The following CGNL1 variants were observed in gnomAD, a reference collection of about 807,000 sequenced individuals.
CGNL1 encodes cingulin-like protein 1.
In CGNL1, 132 loss-of-function variants were observed where a neutral mutation model predicts 141.2. That is an observed-to-expected ratio of 0.93 (90% confidence interval 0.81 to 1.08). CGNL1 has a LOEUF of 1.08. CGNL1 is among the 50% of genes least tolerant of loss of function. The pLI is 0.00. For synonymous variants in CGNL1, 690 were observed against 622.1 expected (o/e 1.11, Z -1.63); for missense variants, 1,870 against 1,588.6 (o/e 1.18, Z -3.01).
At chr15:57,403,410 C>T (rs564414495) in intron 1 of CGNL1, among the ~76,000 whole-genome samples, 1 of 152,318 alleles carries the variant, frequency 6.6e-6, no homozygotes, top group South Asian at 2.1e-4. Flanking sequence ...TGCAAAGAAA[C>T]ACGAGGTTAA....
At chr15:57,500,860 G>T (rs1338857769) in intron 8 of CGNL1, among the ~76,000 whole-genome samples, 2 of 152,158 alleles carry the variant, frequency 1.3e-5, no homozygotes, top group African/African-American at 4.8e-5. Context: ...TTATTTTTAT[G>T]TGAGGTGTTT....
At chr15:57,417,369 G>A (rs2062860596) in intron 1 of CGNL1, among the ~76,000 whole-genome samples, 1 of 152,146 alleles carries the variant, frequency 6.6e-6, no homozygotes, top group African/African-American at 2.4e-5. Context: ...GAGTAGCTGG[G>A]ATTACAGGCG....
At chr15:57,470,390 T>C (rs2063566971) in intron 8 of CGNL1, among the ~76,000 whole-genome samples, 1 of 151,696 alleles carries the variant, frequency 6.6e-6, no homozygotes, top group Admixed American at 6.6e-5. Context: ...TTTGAACCCA[T>C]CACAGGCCCA....
chr15:57,500,631 T>C (rs2064010793), intron 8 of CGNL1, among the ~76,000 whole-genome samples: 1 of 139,096 alleles, frequency 7.2e-6, no homozygotes, highest in Non-Finnish European at 1.5e-5. Flanking sequence ...TTGTGAAAAA[T>C]GTGGATTGAG....
chr15:57,414,407 A>G (rs745735665), intron 1 of CGNL1, among the ~76,000 whole-genome samples: 8 of 152,206 alleles, frequency 5.3e-5, no homozygotes, highest in Admixed American at 1.3e-4. Context: ...CCCTTTATGT[A>G]TACACAGAAA....
chr15:57,482,501 G>C (rs2063738112), intron 8 of CGNL1, among the ~76,000 whole-genome samples: 1 of 152,152 alleles, frequency 6.6e-6, no homozygotes, highest in African/African-American at 2.4e-5. Context: ...TATTTATTTT[G>C]CCTGTGAATA....
In CGNL1 at chr15:57,543,812, G is replaced by A. The variant is rs373924494; in HGVS notation, c.3375+33G>A. The stretch of plus-strand genomic sequence containing the variant: ...CAGCCAGCCTGTGAGCTGCCCCCCC[G>A]TCCATCCGCTAACCCTCCCCCACTT... On this transcript the variant is annotated intron_variant, in intron 15 of 18. Transcript: ENST00000281282. 159 of 1,523,960 alleles carry A rather than the reference G, an allele frequency of 1.0e-4. No homozygotes were observed. The South Asian group carries it at 1.4e-3, about 14-fold the overall frequency. The allele number at this position is 1,523,960 out of a possible 1,614,324, so 94.4% of individuals were successfully genotyped here. A position where few individuals can be genotyped will look rare whatever the true frequency, so the allele number is the denominator to read the frequency against.
chr15:57,423,714 C>T (rs553974908), intron 1 of CGNL1, among the ~76,000 whole-genome samples: 19 of 152,326 alleles, frequency 1.2e-4, no homozygotes, highest in Non-Finnish European at 2.1e-4. Flanking sequence ...CAGATTTCCT[C>T]GCATCCCCCT....
chr15:57,526,498 C>T (rs2031625282), intron 12 of CGNL1, among the ~76,000 whole-genome samples: 1 of 152,030 alleles, frequency 6.6e-6, no homozygotes, highest in African/African-American at 2.4e-5. Flanking sequence ...ACCCCAAAAG[C>T]TACAGGAGTC....
intron 15 of CGNL1, among the ~76,000 whole-genome samples, chr15:57,544,269 C>A (rs539203147): frequency 5.3e-5 from 8 of 152,328 alleles, no homozygotes; most frequent in Non-Finnish European, 8.8e-5. Context: ...GATAGAACTT[C>A]TTCTTCTGGC....
intron 12 of CGNL1, among the ~76,000 whole-genome samples, chr15:57,526,623 T>G (rs1470291561): frequency 6.6e-6 from 1 of 152,056 alleles, no homozygotes; most frequent in African/African-American, 2.4e-5. Flanking sequence ...TGATTACCAT[T>G]GTTCAGTTTA....
At chr15:57,540,367 G>A (rs62000316) in intron 14 of CGNL1, among the ~76,000 whole-genome samples, 1,808 of 152,272 alleles carry the variant, frequency 0.012, 23 homozygotes, top group Non-Finnish European at 0.019. Flanking sequence ...CATGGCGGCA[G>A]GCAAAAGAGA....
At chr15:57,410,191 C>G (rs571228623) in intron 1 of CGNL1, among the ~76,000 whole-genome samples, 22 of 152,274 alleles carry the variant, frequency 1.4e-4, no homozygotes, top group African/African-American at 5.3e-4. Flanking sequence ...AGACAGACTC[C>G]GTCAGGATCC....
At chr15:57,469,637 C>A (rs551967769) in intron 8 of CGNL1, among the ~76,000 whole-genome samples, 2 of 152,174 alleles carry the variant, frequency 1.3e-5, no homozygotes, top group Middle Eastern at 3.4e-3. Context: ...ACTGTAAATT[C>A]TTTCTGCCCA....
chr15:57,521,771 C>A (rs958913679), intron 10 of CGNL1, among the ~76,000 whole-genome samples: 6 of 151,770 alleles, frequency 4.0e-5, no homozygotes, highest in Non-Finnish European at 8.8e-5. Flanking sequence ...CACATGGAGG[C>A]TGAGTAGAGC....
At chr15:57,463,775 T>C (rs1228661357) in intron 8 of CGNL1, among the ~76,000 whole-genome samples, 1 of 152,220 alleles carries the variant, frequency 6.6e-6, no homozygotes, top group African/African-American at 2.4e-5. Flanking sequence ...ACTCTGTGTC[T>C]TTCAGACCTC....
intron 5 of CGNL1, 59 bp from the exon 6 acceptor site, chr15:57,452,082 C>T: frequency 1.4e-6 from 2 of 1,475,314 alleles, no homozygotes; most frequent in South Asian, 2.7e-5. Context: ...AAGTAGGCTT[C>T]TGTGGGGTTA....
intron 14 of CGNL1, among the ~76,000 whole-genome samples, chr15:57,541,703 A>G (rs2032573704): frequency 6.6e-6 from 1 of 152,188 alleles, no homozygotes; most frequent in African/African-American, 2.4e-5. Flanking sequence ...CTTTTCACTT[A>G]GATGGTCCAG....
At chr15:57,440,623 C>A (rs2063175042) in intron 3 of CGNL1, 152 bp downstream of exon 3, 19 of 631,026 alleles carry the variant, frequency 3.0e-5, no homozygotes, top group East Asian at 8.7e-5. Flanking sequence ...TTCGTGACGG[C>A]ATTTGTCTTG....
Sources: gnomAD v4.1 joint callset for allele counts (sites outside exome capture counted in the v4.1 genomes callset) on GRCh38, gnomAD v4.1.1 for gene constraint, MANE v1.5 for transcripts, NCBI Gene and HGNC (gene_info 2026-07-23, HGNC 2026-07-21) for gene names.